ATP13A3: variants seen among roughly 807,000 people sequenced by gnomAD.
The protein encoded by ATP13A3 is ATPase 13A3.
Under a neutral mutation model 158.1 loss-of-function variants are expected in ATP13A3, and 59 were observed. The observed-to-expected ratio is 0.37, with a 90% CI of 0.30 to 0.46. ATP13A3 has a LOEUF of 0.46. Among genes scored for constraint, ATP13A3 ranks in the 20% least tolerant of loss-of-function variants. ATP13A3 has a pLI of 1.00. For synonymous variants in ATP13A3, 491 were observed against 504.3 expected, an observed-to-expected ratio of 0.97 and a Z score of 0.35; for missense variants, 1,166 against 1,525.2, an observed-to-expected ratio of 0.76 and a Z score of 3.92.
At position 194,448,360 on chromosome 3, in the gene ATP13A3, T is replaced by C. The variant is rs1027776330; in HGVS notation, c.1150+97A>G. ...CCCAAAGTGCTGGGATTACAGGCGT[T>C]AGCCACAGCACCCAGCCCAGAATCT... On this transcript the variant is annotated intron_variant, in intron 12 of 33. Coordinates refer to ENST00000645319, the MANE Select transcript of ATP13A3 (RefSeq NM_001367549.1). This position sits in a 1 kb window ranked among gnomAD's most constrained non-coding sequence, Gnocchi z 4.0. 1 of 1,424,394 alleles carries C rather than the reference T, an allele frequency of 7.0e-7. No individual in the cohort carries two copies. Among genetic ancestry groups the C allele is most frequent in the Non-Finnish European group, 9.7e-7 (1 of 1,025,802 alleles). The allele number at this position is 1,424,394 out of a possible 1,614,324, so 88.2% of individuals were successfully genotyped here.
intron 31 of ATP13A3, among the ~76,000 whole-genome samples, chr3:194,414,446 G>A (rs1201097731): frequency 7.4e-6 from 1 of 135,842 alleles, no homozygotes; most frequent in Non-Finnish European, 1.5e-5. Flanking sequence ...GTGGGTGACA[G>A]AAGAACCTGC....
chr3:194,414,117 G>T (rs1033653817), intron 31 of ATP13A3, among the ~76,000 whole-genome samples: 3 of 152,186 alleles, frequency 2.0e-5, no homozygotes, highest in East Asian at 1.9e-4. Context: ...TGCTCTACTA[G>T]ATCATGAATG....
At chr3:194,431,433 C>A (rs1342173267) in intron 22 of ATP13A3, among the ~76,000 whole-genome samples, 1 of 152,110 alleles carries the variant, frequency 6.6e-6, no homozygotes, top group Non-Finnish European at 1.5e-5. Flanking sequence ...GTATGATGGA[C>A]CACCTGCATC....
intron 31 of ATP13A3, among the ~76,000 whole-genome samples, chr3:194,416,744 G>A (rs73069189): frequency 0.023 from 3,435 of 152,220 alleles, 121 homozygotes; most frequent in African/African-American, 0.078. Flanking sequence ...ATTACAGCTT[G>A]TAATTACTTA....
At chr3:194,444,567 T>C (rs1718269482) in intron 15 of ATP13A3, among the ~76,000 whole-genome samples, 158 bp downstream of exon 15, 1 of 152,206 alleles carries the variant, frequency 6.6e-6, no homozygotes. Context: ...TATTTTAATA[T>C]TCTAAAGGAA....
chr3:194,444,483 A>G lies in ATP13A3; in HGVS notation c.1559+242T>C, dbSNP rs570011958. ...GATTTATACTTAGAAAAAATATAAA[A>G]TATGCAAAAATAATTTCAGAATGGC... On this transcript the variant is annotated intron_variant, in intron 15 of 33. Coordinates refer to ENST00000645319, the MANE Select transcript of ATP13A3 (RefSeq NM_001367549.1). 4.3e-3 allele frequency among the ~76,000 whole-genome samples: 660 copies of G among 152,328 alleles called. 4 individuals carry two copies. The highest frequency in any genetic ancestry group is 6.1e-3 in the Non-Finnish European group (413 of 68,026).
intron 9 of ATP13A3, 55 bp downstream of exon 9, chr3:194,454,203 A>G: frequency 6.7e-7 from 1 of 1,486,854 alleles, no homozygotes; most frequent in Admixed American, 1.9e-5. Context: ...CACACATTAG[A>G]TGTTACTACA....
chr3:194,454,768 G>GCAGTGAGC (rs1281262897), intron 8 of ATP13A3, among the ~76,000 whole-genome samples: 26 of 151,432 alleles, frequency 1.7e-4, no homozygotes, highest in African/African-American at 6.1e-4. Flanking sequence ...GGCAGAGCTT[G>GCAGTGAGC]CAGTGAGCCG....
At chr3:194,453,350 T>C (rs185337260) in intron 10 of ATP13A3, among the ~76,000 whole-genome samples, 2 of 150,988 alleles carry the variant, frequency 1.3e-5, no homozygotes, top group Non-Finnish European at 2.9e-5. Context: ...CCCAACACTT[T>C]GGGAGGCCCA....
chr3:194,478,861 TC>T (rs1037880032), intron 2 of ATP13A3, among the ~76,000 whole-genome samples: 2 of 152,120 alleles, frequency 1.3e-5, no homozygotes, highest in African/African-American at 4.8e-5. Context: ...CATCGATGTC[TC>T]CCCAGCATCC....
intron 33 of ATP13A3, among the ~76,000 whole-genome samples, chr3:194,410,937 G>T (rs1294779585): frequency 3.1e-5 from 4 of 127,280 alleles, no homozygotes; most frequent in South Asian, 5.3e-4. Flanking sequence ...GGGGTGTTGG[G>T]GTGTGTGTGT....
upstream of ATP13A3, among the ~76,000 whole-genome samples, chr3:194,489,118 T>G (rs149512389): frequency 4.7e-4 from 71 of 152,286 alleles, no homozygotes; most frequent in African/African-American, 1.6e-3. The surrounding 1 kb of genome is among the most constrained non-coding windows in gnomAD (Gnocchi z 4.1). Flanking sequence ...AATCACCAAG[T>G]CCTATCTATT....
intron 13 of ATP13A3, 93 bp from the exon 14 acceptor site, chr3:194,447,208 C>G: frequency 9.4e-7 from 1 of 1,068,366 alleles, no homozygotes. Flanking sequence ...AAGCCATTTT[C>G]AATTGTATAT....
intron 9 of ATP13A3, 137 bp downstream of exon 9, chr3:194,454,121 G>A: frequency 2.2e-6 from 2 of 917,548 alleles, no homozygotes; most frequent in African/African-American, 1.7e-5. Context: ...AGGGAGGGGA[G>A]AAGGAGCATA....
chr3:194,416,782 C>G (rs1347763687), intron 31 of ATP13A3, among the ~76,000 whole-genome samples: 1 of 152,058 alleles, frequency 6.6e-6, no homozygotes, highest in Admixed American at 6.5e-5. Flanking sequence ...AACAGAAAAT[C>G]CTAGACAATC....
At chr3:194,468,364 A>T (rs955278219) in intron 2 of ATP13A3, 4 of 147,648 alleles carry the variant, frequency 2.7e-5, no homozygotes, top group African/African-American at 1.1e-4. Flanking sequence ...ATTTATAATA[A>T]ACTTGATTTG....
At chr3:194,421,931 T>G (rs1222798915) in intron 30 of ATP13A3, among the ~76,000 whole-genome samples, 1 of 108,938 alleles carries the variant, frequency 9.2e-6, no homozygotes, top group Non-Finnish European at 1.8e-5. Context: ...GTTCTTGACA[T>G]GTGTGTCGTT....
chr3:194,418,052 A>G (rs2108756781), intron 31 of ATP13A3, among the ~76,000 whole-genome samples: 1 of 151,986 alleles, frequency 6.6e-6, no homozygotes, highest in Admixed American at 6.5e-5. Flanking sequence ...TGAAGGAAGG[A>G]AGGAAGGAAA....
chr3:194,412,772 C>G (rs184058913), intron 32 of ATP13A3: 2 of 156,160 alleles, frequency 1.3e-5, no homozygotes, highest in African/African-American at 4.8e-5. Flanking sequence ...CTTACATGTG[C>G]TTCCTAGCAC....
Sources: gnomAD v4.1 joint callset for allele counts (sites outside exome capture counted in the v4.1 genomes callset) on GRCh38, gnomAD v4.1.1 for gene constraint, Gnocchi (gnomAD v3.1) non-coding constraint, MANE v1.5 for transcripts, NCBI Gene and HGNC (gene_info 2026-07-23, HGNC 2026-07-21) for gene names.